Variants in FER observed in about 807,000 individuals in gnomAD.
FER encodes the protein FER tyrosine kinase, also known as tyrosine-protein kinase Fer.
FER carries 63 observed loss-of-function variants against 111.0 expected under a neutral mutation model. The observed-to-expected ratio is 0.57, with a 90% confidence interval of 0.46 to 0.70. The LOEUF is 0.70. Ranked by LOEUF, FER falls within the 30% of genes least tolerant of loss-of-function variation. The pLI is 0.00. For synonymous variants in FER, 327 were observed against 313.9 expected (o/e 1.04, Z -0.44); for missense variants, 914 against 954.0 (o/e 0.96, Z 0.55).
chr5:109,001,793 A>T (rs1764811732), intron 13 of FER, among the ~76,000 whole-genome samples: 1 of 152,240 alleles, frequency 6.6e-6, no homozygotes, highest in Non-Finnish European at 1.5e-5. Context: ...AAGTCTCAGG[A>T]TAGAATATCA....
chr5:109,191,626 G>A lies in FER; in HGVS notation c.*4051G>A, dbSNP rs1455317734. On this transcript the variant is annotated 3_prime_UTR_variant, in exon 20 of 20. Coordinates refer to ENST00000281092, the MANE Select transcript of FER (RefSeq NM_005246.4). ...GGAATCAGATTTTGTATGGAAATGA[G>A]TTTATATTACATTTCCATTATACTA... 6.6e-6 allele frequency: 1 copy of A among 152,038 alleles called. No individual in the cohort carries two copies. Among genetic ancestry groups the A allele is most frequent in the Non-Finnish European group, 1.5e-5 (1 of 68,002 alleles). 9.4% of individuals were successfully genotyped at this position (152,038 alleles called of 1,614,324 possible).
At chr5:108,985,684 G>A (rs968278236) in intron 13 of FER, among the ~76,000 whole-genome samples, 1 of 152,066 alleles carries the variant, frequency 6.6e-6, no homozygotes, top group Non-Finnish European at 1.5e-5. Context: ...GAGAACATAC[G>A]ATGTTTGGTT....
intron 2 of FER, among the ~76,000 whole-genome samples, chr5:108,796,330 A>G (rs1756015013): frequency 6.6e-6 from 1 of 152,212 alleles, no homozygotes; most frequent in Non-Finnish European, 1.5e-5. Context: ...ACCTAAAGCC[A>G]GCGCAGCACT....
Position 109,094,035 on chromosome 5 carries a change from G to A in FER, c.1925-6361G>A, listed in dbSNP as rs576867825. On this transcript the variant is annotated intron_variant, in intron 16 of 19. Coordinates refer to ENST00000281092, the MANE Select transcript of FER (RefSeq NM_005246.4). The stretch of plus-strand genomic sequence containing the variant: ...GAGAGGCAGACAGTCGAACTTCTTT[G>A]CCTTGGTGGCAAACAGTGGGTTGTG... 4.6e-5 allele frequency among the ~76,000 whole-genome samples: 7 copies of A among 152,154 alleles called. No homozygotes were observed. In the East Asian group the frequency reaches 1.4e-3, roughly 29 times the overall value.
chr5:109,154,258 G>A (rs1237889272), intron 17 of FER, among the ~76,000 whole-genome samples: 2 of 151,874 alleles, frequency 1.3e-5, no homozygotes, highest in African/African-American at 4.8e-5. Context: ...TATGAAAACT[G>A]AAGGAACAGG....
intron 10 of FER, among the ~76,000 whole-genome samples, chr5:108,910,941 C>T (rs1751461724): frequency 6.6e-6 from 1 of 151,986 alleles, no homozygotes; most frequent in South Asian, 2.1e-4. Flanking sequence ...AAGAGTATTA[C>T]AATAAACATA....
At chr5:109,001,161 C>G (rs1260505568) in intron 13 of FER, among the ~76,000 whole-genome samples, 1 of 152,138 alleles carries the variant, frequency 6.6e-6, no homozygotes, top group African/African-American at 2.4e-5. Context: ...ATACCAAAGC[C>G]TGGCAGAGAC....
intron 3 of FER, among the ~76,000 whole-genome samples, chr5:108,810,225 G>A (rs1757609893): frequency 6.6e-6 from 1 of 152,078 alleles, no homozygotes; most frequent in Non-Finnish European, 1.5e-5. Context: ...TTTTGTATTG[G>A]GCTTTCTTTA....
chr5:108,999,143 C>A (rs1764385550), intron 13 of FER, among the ~76,000 whole-genome samples: 1 of 151,980 alleles, frequency 6.6e-6, no homozygotes, highest in African/African-American at 2.4e-5. Flanking sequence ...TATGTTTTTT[C>A]CAGTTAGTGT....
intron 18 of FER, among the ~76,000 whole-genome samples, chr5:109,185,771 G>GTAAGT (rs1582446096): frequency 6.6e-6 from 1 of 152,142 alleles, no homozygotes; most frequent in East Asian, 1.9e-4. Context: ...AACTCATTTG[G>GTAAGT]TAAGTTTAAA....
chr5:109,122,379 C>T (rs1751091819), intron 17 of FER, among the ~76,000 whole-genome samples: 1 of 151,846 alleles, frequency 6.6e-6, no homozygotes, highest in African/African-American at 2.4e-5. Flanking sequence ...GTATAGTTTC[C>T]AAAATTCTTC....
At chr5:109,104,986 G>A (rs138789577) in intron 17 of FER, among the ~76,000 whole-genome samples, 5,195 of 151,946 alleles carry the variant, frequency 0.034, 148 homozygotes, top group South Asian at 0.085. Flanking sequence ...CTCGTGATCC[G>A]CCTGCCTTGG....
chr5:109,003,862 C>G (rs1765154061), intron 13 of FER, among the ~76,000 whole-genome samples: 1 of 152,042 alleles, frequency 6.6e-6, no homozygotes, highest in African/African-American at 2.4e-5. Context: ...CACCTGTAGT[C>G]CAAGCTACTT....
intron 13 of FER, among the ~76,000 whole-genome samples, chr5:109,001,291 A>G (rs575178445): frequency 6.6e-6 from 1 of 152,348 alleles, no homozygotes; most frequent in East Asian, 1.9e-4. Flanking sequence ...CACCATGATC[A>G]AGTGGGCTTC....
intron 15 of FER, among the ~76,000 whole-genome samples, chr5:109,045,737 G>C (rs1053634324): frequency 1.3e-5 from 2 of 152,186 alleles, no homozygotes; most frequent in Non-Finnish European, 2.9e-5. Context: ...TAAGTGATTG[G>C]TGGAAGGGGA....
At chr5:108,960,716 A>G (rs1171547742) in intron 13 of FER, among the ~76,000 whole-genome samples, 1 of 152,080 alleles carries the variant, frequency 6.6e-6, no homozygotes, top group African/African-American at 2.4e-5. Flanking sequence ...TCAGATTTCT[A>G]TTTTCCAAAA....
intron 13 of FER, among the ~76,000 whole-genome samples, chr5:108,968,219 T>G (rs1486948303): frequency 6.6e-6 from 1 of 152,156 alleles, no homozygotes; most frequent in African/African-American, 2.4e-5. Flanking sequence ...AAATGCTTTT[T>G]CTACTAAAAA....
intron 16 of FER, among the ~76,000 whole-genome samples, chr5:109,059,360 TAAAA>T (rs569822598): frequency 7.3e-6 from 1 of 136,290 alleles, no homozygotes; most frequent in Non-Finnish European, 1.6e-5. Flanking sequence ...CTGCCTCTAC[TAAAA>T]AAAAAAAAAA....
At chr5:108,825,906 G>C (rs1759417612) in intron 3 of FER, among the ~76,000 whole-genome samples, 1 of 152,170 alleles carries the variant, frequency 6.6e-6, no homozygotes, top group Non-Finnish European at 1.5e-5. Context: ...TTTTCTTTCT[G>C]ATTTGGATTT....
Sources: allele counts gnomAD v4.1 joint callset (sites outside exome capture counted in the v4.1 genomes callset), GRCh38; gene constraint gnomAD v4.1.1; transcripts MANE v1.5; gene names NCBI Gene and HGNC (gene_info 2026-07-23, HGNC 2026-07-21).